PLEKHA8: variants seen among roughly 807,000 people sequenced by gnomAD.
PLEKHA8 encodes pleckstrin homology domain-containing family A member 8.
In PLEKHA8, 36 loss-of-function variants were observed where a neutral mutation model predicts 68.2. That is an observed-to-expected ratio of 0.53 (90% CI 0.40 to 0.70). PLEKHA8 has a LOEUF of 0.70. Ranked by LOEUF, PLEKHA8 falls within the 30% of genes least tolerant of loss-of-function variation. The pLI is 0.00. For synonymous variants in PLEKHA8, 211 were observed against 216.1 expected (o/e 0.98, Z 0.20); for missense variants, 505 against 615.4 (o/e 0.82, Z 1.90).
At position 30,061,931 on chromosome 7, in the gene PLEKHA8, A is replaced by G. The variant is rs1401271707; in HGVS notation, c.1133A>G (p.Glu378Gly). Residue 378 changes from glutamate (E) to glycine (G), a missense_variant, in exon 11 of 14, where the codon GAG (glutamate) becomes GGG (glycine). Coordinates refer to ENST00000449726, the MANE Select transcript of PLEKHA8 (RefSeq NM_001197026.2). Reference protein sequence around the residue: ...VNQKYITNKEEFTTLQKIVLH... With the variant: ...VNQKYITNKEGFTTLQKIVLH... ...CAGAAGTATATAACCAACAAAGAAG[A>G]GTTTACCACTCTCCAGAAGATAGTG... 2.5e-6 allele frequency: 4 copies of G among 1,614,008 alleles called. No homozygotes were observed. Among genetic ancestry groups the G allele is most frequent in the Non-Finnish European group, 3.4e-6 (4 of 1,180,006 alleles).
intron 13 of PLEKHA8, among the ~76,000 whole-genome samples, chr7:30,124,904 T>C (rs929574826): frequency 1.3e-5 from 2 of 152,056 alleles, no homozygotes; most frequent in Non-Finnish European, 2.9e-5. Context: ...TTTAAATTTT[T>C]GTTCTCCCAA....
intron 13 of PLEKHA8, among the ~76,000 whole-genome samples, chr7:30,108,462 A>G (rs180682994): frequency 6.6e-6 from 1 of 151,990 alleles, no homozygotes; most frequent in Admixed American, 6.6e-5. Context: ...TGACTGGTAA[A>G]CCTTCTGGGT....
chr7:30,054,644 C>T (rs922231477), intron 7 of PLEKHA8, 65 bp from the exon 8 acceptor site: 19 of 1,074,214 alleles, frequency 1.8e-5, no homozygotes, highest in South Asian at 3.8e-5. Flanking sequence ...AAATTTTCAA[C>T]AATCAATATG....
At position 30,054,723 on chromosome 7, in the gene PLEKHA8, A is replaced by G; in HGVS notation, c.811A>G (p.Arg271Gly). Residue 271 changes from arginine (R) to glycine (G), a missense_variant, in exon 8 of 14, where the codon AGG becomes GGG. Transcript: ENST00000449726. Reference protein sequence around the residue: ...DDNITVQGEIRKEDGMENLKN... With the variant: ...DDNITVQGEIGKEDGMENLKN... ...CTACTTTGCAGTCCAAGGTGAAATA[A>G]GGAAGGAAGATGGAATGGAAAACCT... 6.3e-7 allele frequency: 1 copy of G among 1,588,404 alleles called. No homozygotes were observed.
intron 13 of PLEKHA8, chr7:30,074,918 CAGG>C (rs914148522): frequency 9.9e-5 from 15 of 152,136 alleles, no homozygotes; most frequent in Non-Finnish European, 1.2e-4. Context: ...TATAAAATAG[CAGG>C]AGTAGATGGC....
intron 12 of PLEKHA8, among the ~76,000 whole-genome samples, chr7:30,071,544 A>C (rs1208847648): frequency 6.6e-6 from 1 of 152,180 alleles, no homozygotes; most frequent in Non-Finnish European, 1.5e-5. Flanking sequence ...GCAGTTATTG[A>C]CTTATACAAT....
At chr7:30,045,251 CAA>C in intron 2 of PLEKHA8, 50 bp downstream of exon 2, 1 of 1,417,026 alleles carries the variant, frequency 7.1e-7, no homozygotes, top group Non-Finnish European at 9.8e-7. Flanking sequence ...TGTTTTCCCT[CAA>C]AAACAAAAAA....
chr7:30,054,589 AGT>A, intron 7 of PLEKHA8, 118 bp from the exon 8 acceptor site: 2 of 621,320 alleles, frequency 3.2e-6, no homozygotes, highest in Admixed American at 8.4e-5. Flanking sequence ...ATATGTGAAT[AGT>A]GTTTCATGAA....
At chr7:30,087,155 A>G (rs1163101758), downstream of PLEKHA8, among the ~76,000 whole-genome samples, 2 of 152,306 alleles carry the variant, frequency 1.3e-5, no homozygotes, top group East Asian at 3.9e-4. Flanking sequence ...TTGTGAAGTC[A>G]AATTCTGCTT....
exon 13 of PLEKHA8, chr7:30,090,247 A>T (rs367614227): frequency 3.5e-5 from 54 of 1,530,050 alleles, no homozygotes; most frequent in Middle Eastern, 3.4e-4. Flanking sequence ...TTCAGGCAGA[A>T]AAAGCAAGTC....
intron 13 of PLEKHA8, among the ~76,000 whole-genome samples, chr7:30,102,793 T>A (rs1217856870): frequency 6.6e-6 from 1 of 152,222 alleles, no homozygotes; most frequent in Non-Finnish European, 1.5e-5. Flanking sequence ...CACACTTTAA[T>A]CCCAGCACTT....
intron 13 of PLEKHA8, among the ~76,000 whole-genome samples, chr7:30,111,927 T>A (rs1340407368): frequency 2.0e-5 from 3 of 152,212 alleles, no homozygotes; most frequent in African/African-American, 7.2e-5. Flanking sequence ...AACCATATGC[T>A]GTTCACAATA....
At chr7:30,125,289 A>G (rs1353704791) in intron 13 of PLEKHA8, among the ~76,000 whole-genome samples, 1 of 152,194 alleles carries the variant, frequency 6.6e-6, no homozygotes. Context: ...CTATTTCAGA[A>G]ATGGTATACA....
chr7:30,081,642 A>G lies in PLEKHA8; in HGVS notation c.*2855A>G. 1 of 985,338 alleles carries G rather than the reference A, an allele frequency of 1.0e-6. No homozygotes were observed. Among genetic ancestry groups the G allele is most frequent in the Non-Finnish European group, 1.2e-6 (1 of 829,818 alleles). 61.0% of individuals were successfully genotyped at this position (985,338 alleles called of 1,614,324 possible). ...GAGAAAACTCTAGTATTTTGTTGGCAGAGTAATCACTTTGTTCTCATCGCT... is the reference window on the plus strand; with the variant it reads ...GAGAAAACTCTAGTATTTTGTTGGCGGAGTAATCACTTTGTTCTCATCGCT... On this transcript the variant is annotated 3_prime_UTR_variant, in exon 14 of 14. Transcript: ENST00000449726.
downstream of PLEKHA8, among the ~76,000 whole-genome samples, chr7:30,095,096 A>G (rs200229562): frequency 7.9e-5 from 12 of 152,320 alleles, no homozygotes; most frequent in South Asian, 4.1e-4. Flanking sequence ...CTGAGGAATC[A>G]CCACACTGAC....
chr7:30,060,122 C>T (rs1246970092), intron 9 of PLEKHA8, among the ~76,000 whole-genome samples: 1 of 146,486 alleles, frequency 6.8e-6, no homozygotes, highest in Non-Finnish European at 1.5e-5. Flanking sequence ...GGTGACAGAG[C>T]GAGACTCCGT....
intron 1 of PLEKHA8, among the ~76,000 whole-genome samples, chr7:30,036,008 C>T (rs1391890440): frequency 2.0e-5 from 3 of 151,708 alleles, no homozygotes; most frequent in Admixed American, 1.3e-4. Context: ...GTAATGCCAA[C>T]ACTTTGGGAG....
downstream of PLEKHA8, among the ~76,000 whole-genome samples, chr7:30,087,440 A>G (rs1014329828): frequency 2.6e-5 from 4 of 152,044 alleles, no homozygotes; most frequent in Non-Finnish European, 5.9e-5. Flanking sequence ...TCCCTTAGAG[A>G]CCCTACCTTC....
chr7:30,061,051 CT>C (rs143386179), intron 10 of PLEKHA8, 109 bp downstream of exon 10: 152,017 of 988,104 alleles, frequency 0.15, 12,421 homozygotes, highest in African/African-American at 0.19. Context: ...TGTCACTGTT[CT>C]TTTAAGAGAG....
Sources: gnomAD v4.1 joint callset for allele counts (sites outside exome capture counted in the v4.1 genomes callset) on GRCh38, gnomAD v4.1.1 for gene constraint, MANE v1.5 for transcripts, NCBI Gene and HGNC (gene_info 2026-07-23, HGNC 2026-07-21) for gene names.